LTBR: variants seen among roughly 807,000 people sequenced by gnomAD.
LTBR encodes lymphotoxin beta receptor, also known as tumor necrosis factor receptor superfamily member 3.
Under a neutral mutation model 45.4 loss-of-function variants are expected in LTBR, and 15 were observed. That is an observed-to-expected ratio of 0.33 (90% CI 0.22 to 0.51). The LOEUF (loss-of-function observed/expected upper bound fraction) is 0.51. Among genes scored for constraint, LTBR ranks in the 20% least tolerant of loss-of-function variants. The pLI is 0.97. For missense variants in LTBR, 450 were observed against 565.5 expected, an observed-to-expected ratio of 0.80 and a Z score of 2.07; for synonymous variants, 228 against 231.0, an observed-to-expected ratio of 0.99 and a Z score of 0.12.
At position 6,388,092 on chromosome 12, in the gene LTBR, AC is replaced by A. The variant is rs548446850; in HGVS notation, c.668-305del. On this transcript the variant is annotated intron_variant, in intron 6 of 9. Transcript: ENST00000228918. The surrounding 1 kb of genome is among the most constrained non-coding windows in gnomAD (Gnocchi z 4.3). ...AACTGCCTAAGCTCCCATCCTGCACACACAAGCCTGCCCAATCCTGGTCTCT... is the reference window on the plus strand; with the variant it reads ...AACTGCCTAAGCTCCCATCCTGCACAACAAGCCTGCCCAATCCTGGTCTCT... Among the ~76,000 whole-genome samples the A allele has an allele frequency of 5.9e-3, 898 of 152,186 alleles. 8 individuals are homozygous for A. Among genetic ancestry groups the A allele is most frequent in the African/African-American group, 0.02 (823 of 41,516 alleles).
At chr12:6,375,614 G>A (rs1344736031) in intron 1 of LTBR, 1 of 828,818 alleles carries the variant, frequency 1.2e-6, no homozygotes, top group Non-Finnish European at 1.9e-6. Flanking sequence ...GCGGGGGGAG[G>A]GGCTGAGGAG....
intron 2 of LTBR, 70 bp from the exon 3 acceptor site, chr12:6,384,952 A>T: frequency 6.3e-7 from 1 of 1,593,140 alleles, no homozygotes; most frequent in Non-Finnish European, 8.6e-7. Flanking sequence ...GGCCAGGGTC[A>T]CACTACAGGC....
chr12:6,389,993 G>GAA (rs1949092358), intron 8 of LTBR, 119 bp from the exon 9 acceptor site: 1 of 719,532 alleles, frequency 1.4e-6, no homozygotes, highest in Non-Finnish European at 2.4e-6. Context: ...GAGAGAGAGA[G>GAA]AGAGAAAGGA....
At position 6,386,528 on chromosome 12, in the gene LTBR, G is replaced by A. The variant is rs1421593670; in HGVS notation, c.667+84G>A. ...CACATCTTAAAAAAAATGGGGAAAAGATGAACACTTCCCTCCCAGAATTGG... is the reference window on the plus strand; with the variant it reads ...CACATCTTAAAAAAAATGGGGAAAAAATGAACACTTCCCTCCCAGAATTGG... On this transcript the variant is annotated intron_variant, in intron 6 of 9. Coordinates refer to ENST00000228918, the MANE Select transcript of LTBR (RefSeq NM_002342.3). This position sits in a 1 kb window ranked among gnomAD's most constrained non-coding sequence, Gnocchi z 4.1. 1 of 1,062,946 alleles carries A rather than the reference G, an allele frequency of 9.4e-7. No individual in the cohort carries two copies. The highest frequency in any genetic ancestry group is 1.6e-5 in the African/African-American group (1 of 63,222). The allele number at this position is 1,062,946 out of a possible 1,614,324, so 65.8% of individuals were successfully genotyped here. A position where few individuals can be genotyped will look rare whatever the true frequency, so the allele number is the denominator to read the frequency against.
chr12:6,385,014 C>T lies in LTBR; in HGVS notation c.194-8C>T, dbSNP rs41533450. On this transcript the variant is annotated splice_polypyrimidine_tract_variant and splice_region_variant and intron_variant, in intron 2 of 9. Coordinates refer to ENST00000228918, the MANE Select transcript of LTBR (RefSeq NM_002342.3). ...TCCTGAGGCTCTACTGCTCCACTCA[C>T]GTTCTAGGCACCTATGTCTCAGCTA... The T allele has an allele frequency of 6.6e-4, 1,072 of 1,614,158 alleles. 6 individuals are homozygous for T. Among genetic ancestry groups the T allele is most frequent in the Middle Eastern group, 5.0e-3 (30 of 6,054 alleles).
Position 6,390,761 on chromosome 12 carries a change from C to T in LTBR, c.1132C>T (p.Leu378Phe). The T allele has an allele frequency of 6.3e-7, 1 of 1,579,108 alleles. No individual in the cohort carries two copies. Among genetic ancestry groups the T allele is most frequent in the Non-Finnish European group, 8.6e-7 (1 of 1,162,546 alleles). The change falls in exon 10 of 10, where the codon CTC (leucine) becomes TTC (phenylalanine). Residue 378 changes from leucine to phenylalanine, a missense_variant. By Grantham distance (22) the Leu-to-Phe change is conservative (BLOSUM62 0). Coordinates refer to ENST00000228918, the MANE Select transcript of LTBR (RefSeq NM_002342.3). ...GGGGGGACCACCGGGTCCTGGAGAC[C>T]TCCCAGCTACCCCCGAACCTCCATA... ...VLGGPPGPGDLPATPEPPYPI... is the reference protein window; with the variant it reads ...VLGGPPGPGDFPATPEPPYPI...
At chr12:6,385,681 C>T (rs954131865) in intron 4 of LTBR, 11 of 415,132 alleles carry the variant, frequency 2.6e-5, no homozygotes, top group East Asian at 1.5e-4. Flanking sequence ...CCGAGGTGGG[C>T]GGATCACGAG....
In LTBR at chr12:6,385,136, C is replaced by T. The variant is rs1167449376; in HGVS notation, c.308C>T (p.Pro103Leu). ...CTGACCATCTGCCAGCTGTGCCGCC[C>T]CTGTGACCCAGGTGAGTGGGGATGT... ...NYLTICQLCR[P>L]CDPVMGLEEI... is the part of the protein sequence containing the mutation. The change falls in exon 3 of 10, where the codon CCC becomes CTC. Residue 103 changes from proline to leucine, a missense_variant. Coordinates refer to ENST00000228918, the MANE Select transcript of LTBR (RefSeq NM_002342.3). 1.2e-6 allele frequency: 2 copies of T among 1,614,238 alleles called. No homozygotes were observed. Among genetic ancestry groups the T allele is most frequent in the Non-Finnish European group, 1.7e-6 (2 of 1,180,042 alleles).
In LTBR at chr12:6,390,644, G is replaced by A. The variant is rs1322462461; in HGVS notation, c.1031-16G>A. The A allele has an allele frequency of 6.7e-7, 1 of 1,499,588 alleles. No individual in the cohort carries two copies. The highest frequency in any genetic ancestry group is 2.3e-5 in the East Asian group (1 of 43,534). The allele number at this position is 1,499,588 out of a possible 1,614,324, so 92.9% of individuals were successfully genotyped here. On this transcript the variant is annotated splice_polypyrimidine_tract_variant and intron_variant, in intron 9 of 9. Coordinates refer to ENST00000228918, the MANE Select transcript of LTBR (RefSeq NM_002342.3). The stretch of plus-strand genomic sequence containing the variant: ...GGGGGCCTTCCTTCCTCAACACTCT[G>A]CCTCCCTTCCTACAGGTACCAATGG...
intron 1 of LTBR, chr12:6,377,530 G>A (rs1174183191): frequency 6.7e-6 from 5 of 744,650 alleles, no homozygotes; most frequent in East Asian, 3.1e-5. Context: ...CTCCCACACA[G>A]AGCCCGTGGA....
rs377082938 is a variant in LTBR, at chr12:6,384,562, C to T, written c.97-26C>T. 4.3e-6 allele frequency: 7 copies of T among 1,611,584 alleles called. No individual in the cohort carries two copies. The African/African-American group carries it at 6.7e-5, about 15-fold the overall frequency. On this transcript the variant is annotated intron_variant, in intron 1 of 9. Transcript: ENST00000228918. ...AAGCTGACCCCTGACTAATTCTTCT[C>T]TCCTCTTCTCCATCTCCCTTTGAAG...
upstream of LTBR, among the ~76,000 whole-genome samples, chr12:6,380,541 G>A (rs1475397802): frequency 3.9e-5 from 6 of 152,038 alleles, no homozygotes; most frequent in East Asian, 1.9e-4. Context: ...AAAATTAGCC[G>A]GGCCTGTTGG....
At chr12:6,384,883 T>C (rs1949020921) in intron 2 of LTBR, 139 bp from the exon 3 acceptor site, 12 of 1,208,008 alleles carry the variant, frequency 9.9e-6, no homozygotes, top group African/African-American at 1.5e-5. Flanking sequence ...CTTACCTCAC[T>C]GAGAGGGAGC....
At position 6,390,136 on chromosome 12, in the gene LTBR, G is replaced by A. The variant is rs1592102509; in HGVS notation, c.826G>A (p.Gly276Arg). 3 of 1,613,980 alleles carry A rather than the reference G, an allele frequency of 1.9e-6. No individual in the cohort carries two copies. Among genetic ancestry groups the A allele is most frequent in the African/African-American group, 1.3e-5 (1 of 75,008 alleles). Residue 276 changes from glycine (G) to arginine (R), a missense_variant, in exon 9 of 10, where the codon GGA becomes AGA. Gly to Arg is a moderately radical substitution (Grantham distance 125, BLOSUM62 -2). Coordinates refer to ENST00000228918, the MANE Select transcript of LTBR (RefSeq NM_002342.3). ...GGGAGAGGGACCCAATCCTGTAGCT[G>A]GAAGCTGGGAGCCTCCGAAGGCCCA... ...PQGEGPNPVA[G>R]SWEPPKAHPY...
Position 6,377,628 on chromosome 12 carries a change from C to A in LTBR, c.39+2034C>A, listed in dbSNP as rs187704365. The A allele has an allele frequency of 3.0e-5, 39 of 1,301,916 alleles. No individual in the cohort carries two copies. In the Admixed American group the frequency reaches 6.5e-4, roughly 22 times the overall value. 80.6% of individuals were successfully genotyped at this position (1,301,916 alleles called of 1,614,324 possible). ...CCCACTGCCCCACATATCCCAGAGA[C>A]CCCTAGAAACTCCAGTCTCCCTTGA... On this transcript the variant is annotated intron_variant, in intron 1 of 9. Coordinates refer to the LTBR transcript ENST00000539925.
rs531345981 is a variant in LTBR at position 6,386,007 on chromosome 12, G to A, written c.473-59G>A. 1.3e-5 allele frequency: 16 copies of A among 1,228,540 alleles called. No homozygotes were observed. The highest frequency in any genetic ancestry group is 1.2e-4 in the East Asian group (5 of 42,904). 76.1% of individuals were successfully genotyped at this position (1,228,540 alleles called of 1,614,324 possible). ...GAGGCTTAAAGGAAACTCACAGGCC[G>A]GCAAAGGGCCCCTCCCTTTTGCCCA... On this transcript the variant is annotated intron_variant, in intron 4 of 9. Coordinates refer to ENST00000228918, the MANE Select transcript of LTBR (RefSeq NM_002342.3). This position sits in a 1 kb window ranked among gnomAD's most constrained non-coding sequence, Gnocchi z 4.1.
rs1949074356 is a variant in LTBR, at chr12:6,388,480, C to T, written c.750C>T (p.Ser250=). Residue 250 remains serine, a synonymous_variant, in exon 7 of 10, where the codon AGC becomes AGT. Coordinates refer to ENST00000228918, the MANE Select transcript of LTBR (RefSeq NM_002342.3). The surrounding 1 kb of genome is among the most constrained non-coding windows in gnomAD (Gnocchi z 4.3). ...CCGTCTTCTCCTGCATCTGGAAGAG[C>T]CACCCTTCTCTCTGCAGGAAACTGG... is the stretch of plus-strand genomic sequence containing the variant. ...LATVFSCIWK[S]HPSLCRKLGS... is the part of the protein sequence containing the mutation. The T allele has an allele frequency of 6.2e-7, 1 of 1,613,986 alleles. No homozygotes were observed. The highest frequency in any genetic ancestry group is 8.5e-7 in the Non-Finnish European group (1 of 1,179,974).
intron 2 of LTBR, 127 bp from the exon 3 acceptor site, chr12:6,384,895 G>C (rs902972199): frequency 7.7e-7 from 1 of 1,301,212 alleles, no homozygotes; most frequent in Non-Finnish European, 1.1e-6. Flanking sequence ...AGAGGGAGCC[G>C]GAGGGCCACT....
In LTBR at chr12:6,385,165, TG is replaced by T; in HGVS notation, c.319+19del. On this transcript the variant is annotated intron_variant, in intron 3 of 9. Coordinates refer to ENST00000228918, the MANE Select transcript of LTBR (RefSeq NM_002342.3). The stretch of plus-strand genomic sequence containing the variant: ...TGACCCAGGTGAGTGGGGATGTGCC[TG>T]CGGGGGGGCTGGATCCCCTGGAGCT... The T allele has an allele frequency of 5.6e-6, 9 of 1,614,196 alleles. No individual in the cohort carries two copies. The highest frequency in any genetic ancestry group is 7.6e-6 in the Non-Finnish European group (9 of 1,180,030).
Sources: allele counts gnomAD v4.1 joint callset (sites outside exome capture counted in the v4.1 genomes callset), GRCh38; gene constraint gnomAD v4.1.1; non-coding constraint Gnocchi (gnomAD v3.1); transcripts MANE v1.5; gene names NCBI Gene and HGNC (gene_info 2026-07-23, HGNC 2026-07-21).